Variants in FGF8 observed in about 807,000 individuals in gnomAD.
The protein encoded by FGF8 is fibroblast growth factor 8.
A neutral mutation model predicts 29.7 loss-of-function variants in FGF8; 12 were observed. That is an observed-to-expected ratio of 0.40 (90% confidence interval 0.26 to 0.65). The LOEUF is 0.65. FGF8 is among the 30% of genes least tolerant of loss of function. FGF8 has a pLI of 0.37. For missense variants in FGF8, 271 were observed against 345.1 expected (o/e 0.79, Z 1.70); for synonymous variants, 157 against 144.4 (o/e 1.09, Z -0.63).
intron 4 of FGF8, 68 bp downstream of exon 4, chr10:101,774,664 G>A (rs1311468773): frequency 1.7e-5 from 23 of 1,379,768 alleles, no homozygotes; most frequent in Non-Finnish European, 2.2e-5. Context: ...GCAGGCCCCC[G>A]GCCAGTGCAG....
intron 4 of FGF8, among the ~76,000 whole-genome samples, chr10:101,774,440 C>T (rs1307366052): frequency 6.6e-6 from 1 of 152,204 alleles, no homozygotes; most frequent in African/African-American, 2.4e-5. Flanking sequence ...AGGCCCCCTC[C>T]CCCTGAACCC....
Position 101,774,802 on chromosome 10 carries a change from G to T in FGF8, c.267C>A (p.Thr89=), listed in dbSNP as rs754961847. The T allele has an allele frequency of 1.2e-6, 2 of 1,613,018 alleles. No homozygotes were observed. The highest frequency in any genetic ancestry group is 2.2e-5 in the South Asian group (2 of 91,086). ...CCAGGACCTGCACGTGCTTCCCGCTGGTGCGGCTGTAGAGTTGGTAGGTCC... is the reference window on the plus strand; with the variant it reads ...CCAGGACCTGCACGTGCTTCCCGCTTGTGCGGCTGTAGAGTTGGTAGGTCC... ...LIRTYQLYSR[T]SGKHVQVLAN... The change falls in exon 4 of 6, where the codon ACC becomes ACA. Residue 89 remains threonine, a synonymous_variant. Transcript: ENST00000320185.
At chr10:101,778,746 G>A (rs1473364691), upstream of FGF8, among the ~76,000 whole-genome samples, 1 of 152,218 alleles carries the variant, frequency 6.6e-6, no homozygotes, top group Non-Finnish European at 1.5e-5. Flanking sequence ...CTCTGCCCTG[G>A]CACGCCCCGT....
At chr10:101,777,496 G>C (rs1474595555), upstream of FGF8, among the ~76,000 whole-genome samples, 1 of 152,196 alleles carries the variant, frequency 6.6e-6, no homozygotes, top group Non-Finnish European at 1.5e-5. Context: ...ACCTTTCCCT[G>C]TGCCCCATCT....
At position 101,771,645 on chromosome 10, in the gene FGF8, C is replaced by T; in HGVS notation, c.338-76G>A. Reference sequence around the variant, plus strand: ...GGCCCACACACTTGTCACAGCCCAGCAGCAACTGCTCCAAAGACCAGGAAC... The same window carrying T: ...GGCCCACACACTTGTCACAGCCCAGTAGCAACTGCTCCAAAGACCAGGAAC... On this transcript the variant is annotated intron_variant, in intron 4 of 5. Coordinates refer to ENST00000320185, the MANE Select transcript of FGF8 (RefSeq NM_033163.5). The surrounding 1 kb of genome is among the most constrained non-coding windows in gnomAD (Gnocchi z 5.3). The T allele has an allele frequency of 8.6e-7, 1 of 1,161,924 alleles. No individual in the cohort carries two copies. Among genetic ancestry groups the T allele is most frequent in the East Asian group, 2.4e-5 (1 of 42,552 alleles). The allele number at this position is 1,161,924 out of a possible 1,614,324, so 72.0% of individuals were successfully genotyped here.
In FGF8 at chr10:101,772,118, C is replaced by T. The variant is rs1564631271; in HGVS notation, c.338-549G>A. Among the ~76,000 whole-genome samples the T allele has an allele frequency of 6.6e-6, 1 of 152,230 alleles. No homozygotes were observed. The highest frequency in any genetic ancestry group is 1.5e-5 in the Non-Finnish European group (1 of 68,038). ...TCACAGCTTTGGCCACCCCCAGCCC[C>T]TCAACATCACCAGGCTCTGCTCTGC... is the stretch of plus-strand genomic sequence containing the variant. On this transcript the variant is annotated intron_variant, in intron 4 of 5. Coordinates refer to ENST00000320185, the MANE Select transcript of FGF8 (RefSeq NM_033163.5). This position sits in a 1 kb window ranked among gnomAD's most constrained non-coding sequence, Gnocchi z 4.4.
intron 5 of FGF8, among the ~76,000 whole-genome samples, 174 bp from the exon 6 acceptor site, chr10:101,770,793 C>T (rs1056165805): frequency 3.3e-5 from 5 of 152,214 alleles, no homozygotes; most frequent in Non-Finnish European, 5.9e-5. Context: ...GCAGCCCACC[C>T]GGCAACTTCC....
chr10:101,779,928 C>T (rs2065129805), upstream of FGF8, among the ~76,000 whole-genome samples: 1 of 152,264 alleles, frequency 6.6e-6, no homozygotes, highest in Non-Finnish European at 1.5e-5. This position sits in a 1 kb window ranked among gnomAD's most constrained non-coding sequence, Gnocchi z 5.7. Context: ...GGCATTCCCC[C>T]GCCTTCCGCC....
rs760297996 is a variant in FGF8 at position 101,774,924 on chromosome 10, T to C, written c.157-12A>G. ...GACTGAACAGTTACCTTTAGGAAAT[T>C]GAAAAATACACAATACACCATTATA... is the stretch of plus-strand genomic sequence containing the variant. On this transcript the variant is annotated splice_polypyrimidine_tract_variant and intron_variant, in intron 3 of 5. Coordinates refer to ENST00000320185, the MANE Select transcript of FGF8 (RefSeq NM_033163.5). The C allele has an allele frequency of 5.6e-6, 9 of 1,613,364 alleles. No homozygotes were observed. Among genetic ancestry groups the C allele is most frequent in the East Asian group, 2.2e-5 (1 of 44,892 alleles).
rs2065068779 is a variant in FGF8, at chr10:101,774,859, C to T, written c.210G>A (p.Leu70=). ...GGCGGCGGCTGAGCTGATCCGTCAC[C>T]AGGCTCTGCTCCCTCACATGCTGTG... is the stretch of plus-strand genomic sequence containing the variant. The part of the protein sequence containing the change: ...NFTQHVREQS[L]VTDQLSRRLI... Residue 70 remains leucine (L), a synonymous_variant, in exon 4 of 6, where the codon CTG becomes CTA. Transcript: ENST00000320185. 3 of 1,614,068 alleles carry T rather than the reference C, an allele frequency of 1.9e-6. No homozygotes were observed. Among genetic ancestry groups the T allele is most frequent in the Non-Finnish European group, 2.5e-6 (3 of 1,180,020 alleles).
Position 101,775,478 on chromosome 10 carries a change from C to T in FGF8, c.69+262G>A, listed in dbSNP as rs2135001446. The stretch of plus-strand genomic sequence containing the variant: ...GCTGGGTGTTCCCTATGCCCCCAGC[C>T]GGCGAGGATGCATGGGGGACAGTGC... On this transcript the variant is annotated intron_variant, in intron 2 of 5. Transcript: ENST00000320185. The surrounding 1 kb of genome is among the most constrained non-coding windows in gnomAD (Gnocchi z 4.6). 6.6e-6 allele frequency: 4 copies of T among 603,554 alleles called. No homozygotes were observed. Among genetic ancestry groups the T allele is most frequent in the South Asian group, 2.0e-5 (1 of 50,582 alleles). 37.4% of individuals were successfully genotyped at this position (603,554 alleles called of 1,614,324 possible).
At chr10:101,770,902 C>T (rs2065015032) in intron 5 of FGF8, among the ~76,000 whole-genome samples, 1 of 151,880 alleles carries the variant, frequency 6.6e-6, no homozygotes, top group Non-Finnish European at 1.5e-5. Flanking sequence ...CCTGCTCTGG[C>T]CTCCTGCCCA....
rs956805717 is a variant in FGF8, at chr10:101,771,161, A to T, written c.444+302T>A. Among the ~76,000 whole-genome samples, 1 of 152,244 alleles carries T rather than the reference A, an allele frequency of 6.6e-6. No homozygotes were observed. Among genetic ancestry groups the T allele is most frequent in the Non-Finnish European group, 1.5e-5 (1 of 68,040 alleles). On this transcript the variant is annotated intron_variant, in intron 5 of 5. Coordinates refer to ENST00000320185, the MANE Select transcript of FGF8 (RefSeq NM_033163.5). The surrounding 1 kb of genome is among the most constrained non-coding windows in gnomAD (Gnocchi z 5.3). ...ACATTCCAAATGCTGGTACCATGTA[A>T]TTGGACATAATAGCAAAGCAATTTG...
chr10:101,779,033 G>T (rs1392335477), upstream of FGF8, among the ~76,000 whole-genome samples: 1 of 151,678 alleles, frequency 6.6e-6, no homozygotes, highest in Non-Finnish European at 1.5e-5. This position sits in a 1 kb window ranked among gnomAD's most constrained non-coding sequence, Gnocchi z 5.7. Flanking sequence ...AAACTCCCTC[G>T]CCTGCAAACA....
upstream of FGF8, among the ~76,000 whole-genome samples, chr10:101,779,888 A>T (rs1241776518): frequency 6.6e-6 from 1 of 152,232 alleles, no homozygotes; most frequent in Non-Finnish European, 1.5e-5. The surrounding 1 kb of genome is among the most constrained non-coding windows in gnomAD (Gnocchi z 5.7). Context: ...GAATGAATGA[A>T]CGTATGCACG....
In FGF8 at chr10:101,775,732, C is replaced by A; in HGVS notation, c.69+8G>T. The A allele has an allele frequency of 6.5e-7, 1 of 1,545,098 alleles. No individual in the cohort carries two copies. Among genetic ancestry groups the A allele is most frequent in the Non-Finnish European group, 8.7e-7 (1 of 1,145,844 alleles). The stretch of plus-strand genomic sequence containing the variant: ...GCCCGGCCCCCGCCTCCGCGCACCC[C>A]TCCTCACCTGGGCTTGGAGGCAGAG... On this transcript the variant is annotated splice_region_variant and intron_variant, in intron 2 of 5. Transcript: ENST00000320185. The surrounding 1 kb of genome is among the most constrained non-coding windows in gnomAD (Gnocchi z 4.6).
Position 101,770,611 on chromosome 10 carries a change from G to T in FGF8, c.453C>A (p.Gly151=). Residue 151 remains glycine, a synonymous_variant, in exon 6 of 6, where the codon GGC becomes GGA. Transcript: ENST00000320185. ...CCGTGAAGACGCAGTCCTTGCCTTT[G>T]CCGTTGCTCTGCAGGTAGGGGAGCC... ...KKGKLIAKSN[G]KGKDCVFTEI... The T allele has an allele frequency of 6.2e-7, 1 of 1,609,732 alleles. No individual in the cohort carries two copies.
rs1349790268 is a variant in FGF8, at chr10:101,775,125, C to T, written c.156+5G>A. ...GAACGAGCCCCAGGGAGAAGCTGGA[C>T]CCACCTGTTGGGAGACACCCTGGGG... On this transcript the variant is annotated splice_donor_5th_base_variant and intron_variant, in intron 3 of 5. Coordinates refer to ENST00000320185, the MANE Select transcript of FGF8 (RefSeq NM_033163.5). This position sits in a 1 kb window ranked among gnomAD's most constrained non-coding sequence, Gnocchi z 4.6. 2 of 1,548,154 alleles carry T rather than the reference C, an allele frequency of 1.3e-6. No homozygotes were observed. Among genetic ancestry groups the T allele is most frequent in the Non-Finnish European group, 1.7e-6 (2 of 1,146,730 alleles).
At position 101,775,311 on chromosome 10, in the gene FGF8, G is replaced by A. The variant is rs1159161482; in HGVS notation, c.70-95C>T. On this transcript the variant is annotated intron_variant, in intron 2 of 5. Transcript: ENST00000320185. The surrounding 1 kb of genome is among the most constrained non-coding windows in gnomAD (Gnocchi z 4.6). ...TTACGGAGCAAATGTTGAGAGTGCA[G>A]GGAACCTGGGCACCCGATCATTGGG... 71 of 899,268 alleles carry A rather than the reference G, an allele frequency of 7.9e-5. No individual in the cohort carries two copies. The East Asian group carries it at 1.8e-3, about 22-fold the overall frequency. 55.7% of individuals were successfully genotyped at this position (899,268 alleles called of 1,614,324 possible).
Sources: gnomAD v4.1 joint callset for allele counts (sites outside exome capture counted in the v4.1 genomes callset) on GRCh38, gnomAD v4.1.1 for gene constraint, Gnocchi (gnomAD v3.1) non-coding constraint, MANE v1.5 for transcripts, NCBI Gene and HGNC (gene_info 2026-07-23, HGNC 2026-07-21) for gene names.